The following SYTL2 variants were observed in gnomAD, a reference collection of about 807,000 sequenced individuals.
The protein encoded by SYTL2 is synaptotagmin like 2, also known as synaptotagmin-like protein 2.
A neutral mutation model predicts 198.7 loss-of-function variants in SYTL2; 165 were observed. That is an observed-to-expected ratio of 0.83 (90% CI 0.73 to 0.94). The LOEUF (loss-of-function observed/expected upper bound fraction) is 0.94, where lower values mean the gene tolerates loss of function less well. Among genes scored for constraint, SYTL2 ranks in the 40% least tolerant of loss-of-function variants. The probability of loss-of-function intolerance (pLI) is 0.00; values close to 1 mark genes in which losing one functional copy is unlikely to be tolerated. For synonymous variants in SYTL2, 966 were observed against 917.7 expected, an observed-to-expected ratio of 1.05 and a Z score of -0.95; for missense variants, 2,835 against 2,582.8, an observed-to-expected ratio of 1.10 and a Z score of -2.12.
the SYTL2 span, among the ~76,000 whole-genome samples, chr11:85,827,337 A>G: frequency 2.6e-5 from 4 of 152,166 alleles, no homozygotes; most frequent in East Asian, 7.7e-4. Context: ...AGCTTTAAAG[A>G]AATGAGGAAA....
intron 1 of SYTL2, among the ~76,000 whole-genome samples, chr11:85,776,879 CAA>C (rs1209089845): frequency 6.6e-6 from 1 of 152,096 alleles, no homozygotes; most frequent in Non-Finnish European, 1.5e-5. Flanking sequence ...TATAGCAACA[CAA>C]AATGGAGTAA....
chr11:85,763,576 G>A (rs1324424155), intron 1 of SYTL2, among the ~76,000 whole-genome samples: 1 of 152,072 alleles, frequency 6.6e-6, no homozygotes, highest in East Asian at 1.9e-4. Flanking sequence ...TGCTTTCCCA[G>A]ACAGTATTGT....
chr11:85,714,561 T>G (rs1270641031), intron 11 of SYTL2, 54 bp from the exon 12 acceptor site: 1 of 1,584,932 alleles, frequency 6.3e-7, no homozygotes, highest in Non-Finnish European at 8.6e-7. Flanking sequence ...CAGAAAACAT[T>G]AGACATTAAG....
At chr11:85,852,188 T>C in the SYTL2 span, among the ~76,000 whole-genome samples, 1 of 152,230 alleles carries the variant, frequency 6.6e-6, no homozygotes, top group Non-Finnish European at 1.5e-5. Context: ...TAATCCATTT[T>C]TTAAAAAACA....
intron 2 of SYTL2, among the ~76,000 whole-genome samples, chr11:85,750,474 C>A (rs1169914382): frequency 6.6e-6 from 1 of 152,174 alleles, no homozygotes; most frequent in Admixed American, 6.5e-5. Flanking sequence ...ACAGTTTCTC[C>A]TTTTCCATTG....
the SYTL2 span, among the ~76,000 whole-genome samples, chr11:85,841,919 A>G: frequency 5.3e-5 from 8 of 152,258 alleles, no homozygotes; most frequent in Non-Finnish European, 1.2e-4. Flanking sequence ...TTTGTCAGGT[A>G]CTACTTTCTG....
At chr11:85,755,980 T>G (rs2091845057) in intron 2 of SYTL2, among the ~76,000 whole-genome samples, 2 of 152,132 alleles carry the variant, frequency 1.3e-5, no homozygotes, top group African/African-American at 4.8e-5. Flanking sequence ...CCCCAATCTT[T>G]TCTTTTGGGA....
intron 1 of SYTL2, among the ~76,000 whole-genome samples, chr11:85,803,025 C>T (rs906068313): frequency 9.9e-5 from 15 of 152,182 alleles, no homozygotes; most frequent in African/African-American, 3.4e-4. Flanking sequence ...ACCTTGTTGG[C>T]CACTATGCTT....
intron 13 of SYTL2, 38 bp downstream of exon 13, chr11:85,711,075 C>G: frequency 6.2e-7 from 1 of 1,608,070 alleles, no homozygotes; most frequent in Non-Finnish European, 8.5e-7. Flanking sequence ...GGTTCAGAGA[C>G]GCGGAGAGAT....
rs67133901 is a variant in SYTL2, at chr11:85,733,581, G to GTTTTT, written c.1390+353_1390+357dup. 6.8e-4 allele frequency: 81 copies of GTTTTT among 119,590 alleles called. 1 individual carries two copies. The highest frequency in any genetic ancestry group is 2.3e-3 in the African/African-American group (69 of 30,164). 7.4% of individuals were successfully genotyped at this position (119,590 alleles called of 1,614,324 possible). On this transcript the variant is annotated intron_variant, in intron 7 of 19. Transcript: ENST00000359152. ...GGCCTGGGCATTTCAAGCCCACCAA[G>GTTTTT]TTTTTTTTTTTTGTTTTTTTTTTTT... is the stretch of plus-strand genomic sequence containing the variant.
Position 85,724,307 on chromosome 11 carries a change from TC to T in SYTL2, c.5050del (p.Asp1684ThrfsTer39). Reference sequence around the variant, plus strand: ...TGCAACCCCACTTTCACTGTCCCTGTCCTCTGGGGGGGTTACAGTTTTAATG... The same window carrying T: ...TGCAACCCCACTTTCACTGTCCCTGTCTCTGGGGGGGTTACAGTTTTAATG... ...GTIKTVTPPE[D>X]RDSESGVAGG... On this transcript the variant is annotated frameshift_variant, in exon 8 of 20. Coordinates refer to ENST00000359152, the MANE Select transcript of SYTL2 (RefSeq NM_206927.4). LOFTEE classifies it high-confidence loss of function. The T allele has an allele frequency of 6.3e-7, 1 of 1,575,768 alleles. No individual in the cohort carries two copies. The highest frequency in any genetic ancestry group is 8.6e-7 in the Non-Finnish European group (1 of 1,164,616).
At chr11:85,833,050 A>G in the SYTL2 span, among the ~76,000 whole-genome samples, 38 of 34,038 alleles carry the variant, frequency 1.1e-3, 7 homozygotes, top group Non-Finnish European at 1.9e-3. Context: ...AAAGAAAGAA[A>G]GAAAGAAAGA....
chr11:85,794,987 G>A (rs564403647), intron 1 of SYTL2, among the ~76,000 whole-genome samples: 1 of 151,958 alleles, frequency 6.6e-6, no homozygotes, highest in South Asian at 2.1e-4. Context: ...GCTGTACTTC[G>A]GTCTCCACAT....
chr11:85,767,681 C>G (rs1412970423), intron 1 of SYTL2, among the ~76,000 whole-genome samples: 4 of 152,180 alleles, frequency 2.6e-5, no homozygotes, highest in Non-Finnish European at 2.9e-5. Flanking sequence ...ATTGGCTGTA[C>G]ATTAGCATCA....
the SYTL2 span, among the ~76,000 whole-genome samples, chr11:85,819,955 A>C: frequency 6.6e-6 from 1 of 152,246 alleles, no homozygotes; most frequent in Non-Finnish European, 1.5e-5. Flanking sequence ...GTCCAGCATC[A>C]CTGTCTCTGC....
chr11:85,749,715 T>C (rs2091397092), intron 2 of SYTL2, among the ~76,000 whole-genome samples: 1 of 152,220 alleles, frequency 6.6e-6, no homozygotes, highest in Non-Finnish European at 1.5e-5. Context: ...TAAATGTTCC[T>C]AATGGTTTGA....
Position 85,727,664 on chromosome 11 carries a change from TCATCTG to T in SYTL2, c.1688_1693del (p.Thr563_Asp565delinsAsn), listed in dbSNP as rs1157326653. On this transcript the variant is annotated inframe_deletion, in exon 8 of 20. Coordinates refer to ENST00000359152, the MANE Select transcript of SYTL2 (RefSeq NM_206927.4). Reference sequence around the variant, plus strand: ...TGAGCCATTTTCTCTTAAAGTAGTGTCATCTGTCACCAAGTCAACAGCAACCTGTGA... The same window carrying T: ...TGAGCCATTTTCTCTTAAAGTAGTGTTCACCAAGTCAACAGCAACCTGTGA... The T allele has an allele frequency of 6.5e-7, 1 of 1,538,292 alleles. No individual in the cohort carries two copies. The highest frequency in any genetic ancestry group is 1.4e-5 in the African/African-American group (1 of 73,018).
chr11:85,778,209 A>T (rs981020781), intron 1 of SYTL2, among the ~76,000 whole-genome samples: 1 of 152,296 alleles, frequency 6.6e-6, no homozygotes, highest in Non-Finnish European at 1.5e-5. Context: ...AAGGGTTCTG[A>T]GATGAAATTC....
At chr11:85,825,185 G>A in the SYTL2 span, among the ~76,000 whole-genome samples, 1 of 152,174 alleles carries the variant, frequency 6.6e-6, no homozygotes, top group South Asian at 2.1e-4. Context: ...TCAGGAGATC[G>A]AGACCATCCC....
Sources: allele counts gnomAD v4.1 joint callset (sites outside exome capture counted in the v4.1 genomes callset), GRCh38; gene constraint gnomAD v4.1.1; transcripts MANE v1.5; gene names NCBI Gene and HGNC (gene_info 2026-07-23, HGNC 2026-07-21).